Variants in CSMD1 observed in about 807,000 individuals in gnomAD.
CSMD1 encodes CUB and sushi domain-containing protein 1.
In CSMD1, 213 loss-of-function variants were observed where a neutral mutation model predicts 417.5. The observed-to-expected ratio is 0.51, with a 90% CI of 0.46 to 0.57. The LOEUF (loss-of-function observed/expected upper bound fraction) is 0.57, where lower values mean the gene tolerates loss of function less well. Ranked by LOEUF, CSMD1 falls within the 20% of genes least tolerant of loss-of-function variation. The probability of loss-of-function intolerance (pLI) is 0.00; values close to 1 mark genes in which losing one functional copy is unlikely to be tolerated. For synonymous variants in CSMD1, 2,862 were observed against 1,736.8 expected (o/e 1.65, Z -16.11); for missense variants, 6,923 against 4,529.7 (o/e 1.53, Z -15.17).
chr8:3,810,005 G>T (rs772234476), intron 5 of CSMD1, among the ~76,000 whole-genome samples: 1 of 152,114 alleles, frequency 6.6e-6, no homozygotes, highest in African/African-American at 2.4e-5. Flanking sequence ...AGCTCTGACT[G>T]CCACATGCAA....
intron 1 of CSMD1, among the ~76,000 whole-genome samples, chr8:4,786,734 C>G (rs1386453287): frequency 1.3e-5 from 2 of 151,952 alleles, no homozygotes; most frequent in Non-Finnish European, 2.9e-5. Flanking sequence ...AGTCCATTAT[C>G]TTTATTTTTT....
In CSMD1 at chr8:4,441,107, T is replaced by TTTTTTTTTTTTTTTTTTTG. The variant is rs1798449900; in HGVS notation, c.303-21043_303-21042insCAAAAAAAAAAAAAAAAAA. Among the ~76,000 whole-genome samples, 8 of 125,074 alleles carry TTTTTTTTTTTTTTTTTTTG rather than the reference T, an allele frequency of 6.4e-5. 1 individual carries two copies. The highest frequency in any genetic ancestry group is 4.0e-3 in the Middle Eastern group (1 of 250). The allele number at this position is 125,074 out of a possible 152,430, so 82.1% of individuals were successfully genotyped here. A position where few individuals can be genotyped will look rare whatever the true frequency, so the allele number is the denominator to read the frequency against. On this transcript the variant is annotated intron_variant, in intron 2 of 69. Transcript: ENST00000635120. ...CGTTAATCAAAAGGTTTTTTTTTTT[T>TTTTTTTTTTTTTTTTTTTG]TTTTTTTTTTTAAGAGATAGGGTCT...
intron 5 of CSMD1, among the ~76,000 whole-genome samples, chr8:3,814,832 G>A (rs762102076): frequency 1.4e-4 from 21 of 152,092 alleles, no homozygotes; most frequent in Non-Finnish European, 2.5e-4. Context: ...CCAGTACCAT[G>A]AAGAAGCGGA....
chr8:4,304,486 C>G (rs894907057), intron 3 of CSMD1, among the ~76,000 whole-genome samples: 8 of 152,164 alleles, frequency 5.3e-5, no homozygotes, highest in Admixed American at 5.2e-4. Flanking sequence ...GAGTCCCATC[C>G]TGACACAAAC....
chr8:4,294,930 T>G (rs1347225634), intron 3 of CSMD1, among the ~76,000 whole-genome samples: 1 of 151,556 alleles, frequency 6.6e-6, no homozygotes, highest in Middle Eastern at 3.2e-3. Context: ...TGTGGTCCTA[T>G]TCTCTCTTCT....
At chr8:4,558,034 G>C (rs1451756070) in intron 2 of CSMD1, among the ~76,000 whole-genome samples, 1 of 152,118 alleles carries the variant, frequency 6.6e-6, no homozygotes, top group African/African-American at 2.4e-5. Context: ...CTGAGCTATG[G>C]CTAACAATGC....
intron 12 of CSMD1, among the ~76,000 whole-genome samples, chr8:3,421,845 T>G (rs918568384): frequency 2.6e-5 from 4 of 151,706 alleles, no homozygotes; most frequent in Admixed American, 1.3e-4. Context: ...ACCATATTGG[T>G]CAATCTGGTT....
intron 3 of CSMD1, among the ~76,000 whole-genome samples, chr8:4,175,684 T>C (rs550762273): frequency 6.6e-6 from 1 of 152,226 alleles, no homozygotes; most frequent in Non-Finnish European, 1.5e-5. Flanking sequence ...TACATATACA[T>C]AATGTCCTCA....
At chr8:4,679,289 T>A (rs992201256) in intron 1 of CSMD1, among the ~76,000 whole-genome samples, 2 of 152,228 alleles carry the variant, frequency 1.3e-5, no homozygotes, top group African/African-American at 4.8e-5. Flanking sequence ...TTGACCTTAC[T>A]CTGCAGATGC....
chr8:3,210,201 G>T (rs1429935012), intron 30 of CSMD1, among the ~76,000 whole-genome samples: 2 of 152,070 alleles, frequency 1.3e-5, no homozygotes, highest in Non-Finnish European at 2.9e-5. Context: ...CTCTCCATGA[G>T]GGATCCAAGA....
At chr8:4,475,296 A>C (rs929679013) in intron 2 of CSMD1, among the ~76,000 whole-genome samples, 3 of 152,198 alleles carry the variant, frequency 2.0e-5, no homozygotes, top group African/African-American at 7.2e-5. Context: ...TGAAATCTAA[A>C]TATTACAAGC....
chr8:3,359,722 T>C (rs986095245), intron 20 of CSMD1, among the ~76,000 whole-genome samples: 1 of 152,094 alleles, frequency 6.6e-6, no homozygotes, highest in South Asian at 2.1e-4. Flanking sequence ...ACAGTGTACA[T>C]TTCAAAATAG....
At chr8:4,115,090 T>A (rs1019212482) in intron 3 of CSMD1, among the ~76,000 whole-genome samples, 1 of 152,222 alleles carries the variant, frequency 6.6e-6, no homozygotes, top group Non-Finnish European at 1.5e-5. Context: ...TCAAACGGAA[T>A]TGAAACCTAG....
chr8:3,139,814 T>C (rs1818321521), intron 41 of CSMD1, among the ~76,000 whole-genome samples: 1 of 152,092 alleles, frequency 6.6e-6, no homozygotes, highest in Admixed American at 6.5e-5. Flanking sequence ...AAATATTCTC[T>C]AAATAATGTC....
chr8:4,881,417 A>ATCTG (rs1803388420), intron 1 of CSMD1, among the ~76,000 whole-genome samples: 3 of 41,170 alleles, frequency 7.3e-5, no homozygotes, highest in Middle Eastern at 0.013. Context: ...ATACATATCT[A>ATCTG]TCTATCTATC....
At chr8:3,178,495 C>T (rs568664877) in intron 37 of CSMD1, among the ~76,000 whole-genome samples, 38 of 152,180 alleles carry the variant, frequency 2.5e-4, no homozygotes, top group South Asian at 2.1e-3. Context: ...GTCTGGATAC[C>T]TCGCAAGGTG....
intron 5 of CSMD1, among the ~76,000 whole-genome samples, chr8:3,975,399 A>G (rs1453551209): frequency 1.3e-5 from 2 of 152,130 alleles, no homozygotes; most frequent in African/African-American, 4.8e-5. Context: ...AGTGAGCATT[A>G]TTTTTAATAC....
At chr8:3,278,623 A>G (rs1252986175) in intron 26 of CSMD1, 2 of 150,842 alleles carry the variant, frequency 1.3e-5, no homozygotes, top group African/African-American at 4.9e-5. Flanking sequence ...TATGAATCAC[A>G]ACACAATCTA....
intron 50 of CSMD1, among the ~76,000 whole-genome samples, chr8:3,042,526 G>A (rs554972511): frequency 7.5e-5 from 10 of 134,170 alleles, no homozygotes; most frequent in African/African-American, 4.0e-4. Flanking sequence ...CGGGAATCCC[G>A]TCGAAGCACA....
Sources: gnomAD v4.1 joint callset for allele counts (sites outside exome capture counted in the v4.1 genomes callset) on GRCh38, gnomAD v4.1.1 for gene constraint, MANE v1.5 for transcripts, NCBI Gene and HGNC (gene_info 2026-07-23, HGNC 2026-07-21) for gene names.